The following SMARCAL1 variants were observed in gnomAD, a reference collection of about 807,000 sequenced individuals.
SMARCAL1 encodes ATP-driven annealing helicase.
In SMARCAL1, 58 loss-of-function variants were observed where a neutral mutation model predicts 94.5. That is an observed-to-expected ratio of 0.61 (90% CI 0.50 to 0.76). The LOEUF is 0.76. Ranked by LOEUF, SMARCAL1 falls within the 30% of genes least tolerant of loss-of-function variation. The probability of loss-of-function intolerance (pLI) is 0.00; values close to 1 mark genes in which losing one functional copy is unlikely to be tolerated. For synonymous variants in SMARCAL1, 422 were observed against 455.1 expected (o/e 0.93, Z 0.93); for missense variants, 1,051 against 1,177.9 (o/e 0.89, Z 1.58).
At chr2:216,421,951 T>G (rs1286788110) in intron 5 of SMARCAL1, among the ~76,000 whole-genome samples, 1 of 152,116 alleles carries the variant, frequency 6.6e-6, no homozygotes, top group Non-Finnish European at 1.5e-5. Context: ...TTTGGACTGA[T>G]GAGGGCAGAC....
At chr2:216,460,017 C>T (rs562854464) in intron 12 of SMARCAL1, among the ~76,000 whole-genome samples, 3 of 152,134 alleles carry the variant, frequency 2.0e-5, no homozygotes, top group Non-Finnish European at 4.4e-5. Flanking sequence ...CATCAACAAG[C>T]GGGCAAAGGA....
Position 216,447,172 on chromosome 2 carries a change from C to G in SMARCAL1, c.1851+14C>G, listed in dbSNP as rs369856866. 6.7e-5 allele frequency: 107 copies of G among 1,607,570 alleles called. No individual in the cohort carries two copies. In the African/African-American group the frequency reaches 1.3e-3, roughly 20 times the overall value. ...GATGCCAAACGGGTATGTATTATCT[C>G]TTCCCTCCCAGCCCACCCATTTCTC... On this transcript the variant is annotated intron_variant, in intron 11 of 17. Coordinates refer to ENST00000357276, the MANE Select transcript of SMARCAL1 (RefSeq NM_014140.4).
intron 5 of SMARCAL1, 106 bp from the exon 6 acceptor site, chr2:216,423,527 C>G (rs1224013836): frequency 1.1e-6 from 1 of 951,592 alleles, no homozygotes; most frequent in Non-Finnish European, 1.7e-6. Flanking sequence ...GCCACATTGT[C>G]TAAGCTGAAT....
At chr2:216,452,457 A>G (rs906279060) in intron 12 of SMARCAL1, among the ~76,000 whole-genome samples, 2 of 152,050 alleles carry the variant, frequency 1.3e-5, no homozygotes, top group Non-Finnish European at 2.9e-5. Context: ...CAATATTTTT[A>G]GATGCAAAGA....
At position 216,414,664 on chromosome 2, in the gene SMARCAL1, A is replaced by G. The variant is rs1693545940; in HGVS notation, c.-41A>G. The G allele has an allele frequency of 6.3e-7, 1 of 1,579,574 alleles. No homozygotes were observed. Among genetic ancestry groups the G allele is most frequent in the Non-Finnish European group, 8.7e-7 (1 of 1,148,828 alleles). On this transcript the variant is annotated 5_prime_UTR_variant, in exon 3 of 18. Coordinates refer to ENST00000357276, the MANE Select transcript of SMARCAL1 (RefSeq NM_014140.4). ...TTCCACAGCTTTTGCCAACTTTCCA[A>G]TTAAAGGTTGACATTCCTGCATAAG... is the stretch of plus-strand genomic sequence containing the variant.
chr2:216,443,410 C>T (rs925129183), intron 10 of SMARCAL1, among the ~76,000 whole-genome samples: 8 of 146,892 alleles, frequency 5.4e-5, no homozygotes, highest in African/African-American at 1.5e-4. Flanking sequence ...TAGCTTTAAT[C>T]AGCTATAATT....
chr2:216,423,591 G>C (rs1335481221), intron 5 of SMARCAL1, 42 bp from the exon 6 acceptor site: 1 of 1,522,010 alleles, frequency 6.6e-7, no homozygotes, highest in South Asian at 1.1e-5. Flanking sequence ...GTAGCAGAAG[G>C]GCAGGGTGTC....
chr2:216,444,856 C>A (rs1405767015), intron 10 of SMARCAL1, among the ~76,000 whole-genome samples: 1 of 152,158 alleles, frequency 6.6e-6, no homozygotes, highest in East Asian at 1.9e-4. Context: ...TATCCACTTT[C>A]AATTACGACA....
At chr2:216,466,165 C>CCA (rs986964958) in intron 13 of SMARCAL1, among the ~76,000 whole-genome samples, 2 of 152,192 alleles carry the variant, frequency 1.3e-5, no homozygotes, top group Non-Finnish European at 2.9e-5. Context: ...TCAGAGTCCA[C>CCA]CAGGTGCCTC....
At chr2:216,429,772 G>A (rs284559) in intron 7 of SMARCAL1, among the ~76,000 whole-genome samples, 28,483 of 151,536 alleles carry the variant, frequency 0.19, 5,046 homozygotes, top group African/African-American at 0.47. Flanking sequence ...TTTGGGCACA[G>A]TGCACTTTAT....
intron 15 of SMARCAL1, among the ~76,000 whole-genome samples, chr2:216,476,846 A>G (rs1337199306): frequency 6.6e-6 from 1 of 152,216 alleles, no homozygotes; most frequent in Non-Finnish European, 1.5e-5. Context: ...CCCAGCACTG[A>G]ACAGCCACCT....
At chr2:216,469,228 G>A (rs893919263) in intron 14 of SMARCAL1, among the ~76,000 whole-genome samples, 29 of 151,052 alleles carry the variant, frequency 1.9e-4, no homozygotes, top group African/African-American at 7.0e-4. Context: ...ATGACAGCAC[G>A]GTGTAATTAT....
Position 216,468,037 on chromosome 2 carries a change from T to G in SMARCAL1, c.2235T>G (p.Leu745=). 1 of 1,611,392 alleles carries G rather than the reference T, an allele frequency of 6.2e-7. No homozygotes were observed. The highest frequency in any genetic ancestry group is 8.5e-7 in the Non-Finnish European group (1 of 1,177,520). The part of the protein sequence containing the change: ...KVVLDAITQE[L]ERKHVQHIRI... Reference sequence around the variant, plus strand: ...TCCTGGACGCAATTACGCAAGAGCTTGAGAGAAAGGTGAGCTCCCTTTGAA... The same window carrying G: ...TCCTGGACGCAATTACGCAAGAGCTGGAGAGAAAGGTGAGCTCCCTTTGAA... Residue 745 remains leucine, a synonymous_variant, in exon 14 of 18, where the codon CTT becomes CTG. Transcript: ENST00000357276.
Position 216,474,885 on chromosome 2 carries a change from A to T in SMARCAL1, c.2245-384A>T, listed in dbSNP as rs75148462. ...AATGTTGGAGTTGTTGAGTATCTTA[A>T]CATTGGAGGTGAATATATGAAAACC... is the stretch of plus-strand genomic sequence containing the variant. On this transcript the variant is annotated intron_variant, in intron 14 of 17. Coordinates refer to ENST00000357276, the MANE Select transcript of SMARCAL1 (RefSeq NM_014140.4). Among the ~76,000 whole-genome samples the T allele has an allele frequency of 9.8e-3, 1,499 of 152,344 alleles. 59 individuals are homozygous for T. The highest frequency in any genetic ancestry group is 0.076 in the East Asian group (395 of 5,174).
intron 13 of SMARCAL1, among the ~76,000 whole-genome samples, chr2:216,465,838 G>T (rs78827489): frequency 0.051 from 7,699 of 152,058 alleles, 274 homozygotes; most frequent in African/African-American, 0.1. Context: ...AAATATATCT[G>T]CCCCATCCTC....
At chr2:216,479,926 C>A (rs764611720) in intron 17 of SMARCAL1, among the ~76,000 whole-genome samples, 4 of 152,166 alleles carry the variant, frequency 2.6e-5, no homozygotes, top group Non-Finnish European at 4.4e-5. Context: ...ATGGCACATG[C>A]CTGTATTCCC....
intron 14 of SMARCAL1, among the ~76,000 whole-genome samples, chr2:216,473,414 C>T (rs1311616214): frequency 6.7e-6 from 1 of 148,900 alleles, no homozygotes; most frequent in Non-Finnish European, 1.5e-5. Flanking sequence ...GATGTTCACT[C>T]CCTTTTAGTG....
At chr2:216,414,073 G>C (rs1329081461) in intron 2 of SMARCAL1, 181 bp downstream of exon 2, 9 of 152,624 alleles carry the variant, frequency 5.9e-5, no homozygotes, top group Admixed American at 2.6e-4. Context: ...GCAGTGCTTC[G>C]AACCATTGAG....
chr2:216,431,951 A>G (rs1302174079), intron 7 of SMARCAL1, among the ~76,000 whole-genome samples: 1 of 152,154 alleles, frequency 6.6e-6, no homozygotes, highest in African/African-American at 2.4e-5. Context: ...GCCTTTATGC[A>G]TACTGAGTAC....
Sources: gnomAD v4.1 joint callset for allele counts (sites outside exome capture counted in the v4.1 genomes callset) on GRCh38, gnomAD v4.1.1 for gene constraint, MANE v1.5 for transcripts, NCBI Gene and HGNC (gene_info 2026-07-23, HGNC 2026-07-21) for gene names.